Variants in CGNL1 observed in about 807,000 individuals in gnomAD.
CGNL1 encodes the protein cingulin-like protein 1.
A neutral mutation model predicts 141.2 loss-of-function variants in CGNL1; 132 were observed. The observed-to-expected ratio is 0.93, with a 90% confidence interval of 0.81 to 1.08. CGNL1 has a LOEUF of 1.08. Among genes scored for constraint, CGNL1 ranks in the 50% least tolerant of loss-of-function variants. The pLI, the probability that CGNL1 is intolerant of heterozygous loss-of-function variation, is 0.00. For missense variants in CGNL1, 1,870 were observed against 1,588.6 expected (o/e 1.18, Z -3.01); for synonymous variants, 690 against 622.1 (o/e 1.11, Z -1.63).
intron 1 of CGNL1, among the ~76,000 whole-genome samples, chr15:57,410,126 G>A (rs1045814090): frequency 1.3e-5 from 2 of 152,188 alleles, no homozygotes; most frequent in African/African-American, 4.8e-5. Flanking sequence ...CAGTGTGAGG[G>A]TCAGGCCCGA....
intron 7 of CGNL1, among the ~76,000 whole-genome samples, chr15:57,459,876 G>A (rs2063424528): frequency 6.6e-6 from 1 of 152,162 alleles, no homozygotes; most frequent in South Asian, 2.1e-4. Flanking sequence ...TAATCTTACT[G>A]AATCTGAGGT....
chr15:57,532,326 A>G lies in CGNL1; in HGVS notation c.3291+547A>G, dbSNP rs140106701. Among the ~76,000 whole-genome samples the G allele has an allele frequency of 1.1e-3, 166 of 152,252 alleles. 1 individual carries two copies. The highest frequency in any genetic ancestry group is 3.9e-3 in the African/African-American group (161 of 41,534). On this transcript the variant is annotated intron_variant, in intron 14 of 18. Coordinates refer to ENST00000281282, the MANE Select transcript of CGNL1 (RefSeq NM_032866.5). ...AAATGCTTCCATATTTTATCTGTCA[A>G]GTGGTTTGGGCATGCACTGGGGACA... is the stretch of plus-strand genomic sequence containing the variant.
intron 1 of CGNL1, among the ~76,000 whole-genome samples, chr15:57,418,044 A>G (rs1439314325): frequency 6.6e-6 from 1 of 152,094 alleles, no homozygotes; most frequent in Non-Finnish European, 1.5e-5. Context: ...GTTGTCTGAG[A>G]TGTTGGGGAC....
intron 16 of CGNL1, 105 bp downstream of exon 16, chr15:57,544,702 T>G: frequency 1.5e-6 from 2 of 1,343,940 alleles, no homozygotes; most frequent in Non-Finnish European, 2.0e-6. Flanking sequence ...TCGTAGCCTG[T>G]GAGGAAGGCA....
chr15:57,482,488 GTTTA>G lies in CGNL1; in HGVS notation c.2403+20604_2403+20607del, dbSNP rs565793619. On this transcript the variant is annotated intron_variant, in intron 8 of 18. Transcript: ENST00000281282. ...GTGTAAGGTGGAAGTTTAGTTTGAGGTTTATTTATTTTGCCTGTGAATATCCAGT... is the reference window on the plus strand; with the variant it reads ...GTGTAAGGTGGAAGTTTAGTTTGAGGTTTATTTTGCCTGTGAATATCCAGT... Among the ~76,000 whole-genome samples the G allele has an allele frequency of 9.2e-5, 14 of 152,286 alleles. No homozygotes were observed. In the South Asian group the frequency reaches 2.9e-3, roughly 32 times the overall value.
At chr15:57,464,684 CCTTTCCTTT>C (rs2063488660) in intron 8 of CGNL1, among the ~76,000 whole-genome samples, 1 of 125,146 alleles carries the variant, frequency 8.0e-6, no homozygotes, top group Non-Finnish European at 1.5e-5. Context: ...CCTTTCCTTT[CCTTTCCTTT>C]CCTTTCCTTT....
intron 7 of CGNL1, among the ~76,000 whole-genome samples, chr15:57,460,661 A>G (rs1292010938): frequency 6.6e-6 from 1 of 152,118 alleles, no homozygotes; most frequent in Non-Finnish European, 1.5e-5. Context: ...GCCCCTTATA[A>G]AACCATCATA....
chr15:57,438,347 C>T lies in CGNL1; in HGVS notation c.348C>T (p.Asn116=), dbSNP rs371054975. 4 of 1,614,086 alleles carry T rather than the reference C, an allele frequency of 2.5e-6. No homozygotes were observed. The highest frequency in any genetic ancestry group is 2.2e-5 in the South Asian group (2 of 91,088). ...ACGCCCAGCCTAGCCCAATAAGAAACCTGAAACAGCCCCTGCTCCATGAGG... is the reference window on the plus strand; with the variant it reads ...ACGCCCAGCCTAGCCCAATAAGAAATCTGAAACAGCCCCTGCTCCATGAGG... The part of the protein sequence containing the change: ...NPYAQPSPIR[N]LKQPLLHEGK... Residue 116 remains asparagine, a synonymous_variant, in exon 2 of 19, where the codon AAC becomes AAT. Transcript: ENST00000281282.
intron 1 of CGNL1, among the ~76,000 whole-genome samples, chr15:57,429,898 C>T (rs1461653315): frequency 1.3e-5 from 2 of 152,190 alleles, no homozygotes; most frequent in Admixed American, 6.5e-5. Flanking sequence ...CAGCCTTGAC[C>T]TCTCTGGGCT....
chr15:57,497,433 G>A (rs1018402720), intron 8 of CGNL1, among the ~76,000 whole-genome samples: 1 of 152,158 alleles, frequency 6.6e-6, no homozygotes, highest in Non-Finnish European at 1.5e-5. Flanking sequence ...CAGGAGAAGC[G>A]TCTGGCATGT....
At chr15:57,441,844 T>A (rs192002783) in intron 3 of CGNL1, among the ~76,000 whole-genome samples, 31 of 152,300 alleles carry the variant, frequency 2.0e-4, no homozygotes, top group Admixed American at 1.8e-3. Flanking sequence ...GTGTTACCTG[T>A]GAAAGCCCAG....
chr15:57,520,049 C>T lies in CGNL1; in HGVS notation c.2715+1552C>T, dbSNP rs1211077775. On this transcript the variant is annotated intron_variant, in intron 10 of 18. Coordinates refer to ENST00000281282, the MANE Select transcript of CGNL1 (RefSeq NM_032866.5). ...GCCTTGTCTTGGAAATTATCCCTGA[C>T]ATGTTACTTTTGTTGAGGCCTGTTT... Among the ~76,000 whole-genome samples, 9 of 152,310 alleles carry T rather than the reference C, an allele frequency of 5.9e-5. No homozygotes were observed. In the East Asian group the frequency reaches 1.7e-3, roughly 29 times the overall value.
rs112984530 is a variant in CGNL1, at chr15:57,395,908, G to T, written c.-16+19341G>T. ...AAATTATAATGTACAGAATCTTCTA[G>T]AAGCTTTCTTGTGCCTCCTCCTGAT... On this transcript the variant is annotated intron_variant, in intron 1 of 18. Coordinates refer to ENST00000281282, the MANE Select transcript of CGNL1 (RefSeq NM_032866.5). Among the ~76,000 whole-genome samples, 192 of 152,314 alleles carry T rather than the reference G, an allele frequency of 1.3e-3. 1 individual carries two copies. The highest frequency in any genetic ancestry group is 4.5e-3 in the African/African-American group (185 of 41,572).
intron 8 of CGNL1, among the ~76,000 whole-genome samples, chr15:57,481,064 GT>G (rs11298152): frequency 0.083 from 9,692 of 116,092 alleles, 770 homozygotes; most frequent in African/African-American, 0.22. Flanking sequence ...AAGACCTGGG[GT>G]TTTTTTTTTT....
chr15:57,529,587 C>CACAT (rs1261392804), intron 13 of CGNL1, among the ~76,000 whole-genome samples: 1 of 151,424 alleles, frequency 6.6e-6, no homozygotes, highest in African/African-American at 2.4e-5. Context: ...CACACACACA[C>CACAT]ACACACACAC....
intron 1 of CGNL1, among the ~76,000 whole-genome samples, chr15:57,413,388 G>A (rs1242256267): frequency 1.3e-5 from 2 of 151,336 alleles, no homozygotes; most frequent in South Asian, 2.1e-4. Flanking sequence ...GCCATCCTCC[G>A]AGCTCAGCCT....
At chr15:57,414,842 G>A (rs2062831061) in intron 1 of CGNL1, among the ~76,000 whole-genome samples, 1 of 152,190 alleles carries the variant, frequency 6.6e-6, no homozygotes, top group African/African-American at 2.4e-5. Context: ...CCAGCCTGCT[G>A]ATCTGTTTGG....
At chr15:57,465,151 T>A (rs1157115046) in intron 8 of CGNL1, among the ~76,000 whole-genome samples, 1 of 152,182 alleles carries the variant, frequency 6.6e-6, no homozygotes, top group African/African-American at 2.4e-5. Context: ...GAGTCATATT[T>A]TATGGGGGAC....
intron 1 of CGNL1, among the ~76,000 whole-genome samples, chr15:57,394,352 C>G (rs1160171968): frequency 6.6e-6 from 1 of 151,992 alleles, no homozygotes; most frequent in East Asian, 1.9e-4. Context: ...CTCGAACTCC[C>G]GACTTCAGGT....
Sources: gnomAD v4.1 joint callset for allele counts (sites outside exome capture counted in the v4.1 genomes callset) on GRCh38, gnomAD v4.1.1 for gene constraint, MANE v1.5 for transcripts, NCBI Gene and HGNC (gene_info 2026-07-23, HGNC 2026-07-21) for gene names.